ZMYM2: variants seen among roughly 807,000 people sequenced by gnomAD.
ZMYM2 encodes the protein zinc finger MYM-type containing 2, also known as zinc finger MYM-type protein 2.
In ZMYM2, 56 loss-of-function variants were observed where a neutral mutation model predicts 162.8. The ratio of observed to expected loss-of-function variants is 0.34; its 90% CI spans 0.28 to 0.43. ZMYM2 has a LOEUF of 0.43. ZMYM2 is among the 20% of genes least tolerant of loss of function. The pLI, the probability that ZMYM2 is intolerant of heterozygous loss-of-function variation, is 1.00. For missense variants in ZMYM2, 1,275 were observed against 1,621.8 expected, an observed-to-expected ratio of 0.79 and a Z score of 3.67; for synonymous variants, 510 against 541.6, an observed-to-expected ratio of 0.94 and a Z score of 0.81.
At chr13:19,971,244 G>GTGTATATATATA (rs5802035) in intron 2 of ZMYM2, among the ~76,000 whole-genome samples, 1 of 50,134 alleles carries the variant, frequency 2.0e-5, no homozygotes, top group African/African-American at 6.5e-5. Flanking sequence ...GTGTGTGTGT[G>GTGTATATATATA]TATATATATA....
At position 20,006,447 on chromosome 13, in the gene ZMYM2, T is replaced by C; in HGVS notation, c.1373T>C (p.Met458Thr). 2 of 1,611,540 alleles carry C rather than the reference T, an allele frequency of 1.2e-6. No individual in the cohort carries two copies. Among genetic ancestry groups the C allele is most frequent in the Non-Finnish European group, 1.7e-6 (2 of 1,178,558 alleles). Reference protein sequence around the residue: ...CSDHCFNRYRMANGLIMNCCE... With the variant: ...CSDHCFNRYRTANGLIMNCCE... Reference sequence around the variant, plus strand: ...GACCACTGCTTTAATAGATATAGAATGGCCAATGGTTTAATAATGAATTGC... The same window carrying C: ...GACCACTGCTTTAATAGATATAGAACGGCCAATGGTTTAATAATGAATTGC... The change falls in exon 6 of 25, where the codon ATG becomes ACG. Residue 458 changes from methionine to threonine, a missense_variant. Transcript: ENST00000610343.
intron 2 of ZMYM2, among the ~76,000 whole-genome samples, chr13:19,982,591 ATGC>A (rs924047343): frequency 3.3e-5 from 5 of 152,236 alleles, no homozygotes; most frequent in African/African-American, 4.8e-5. Context: ...TGGAGAAGAG[ATGC>A]TGCTATTAGG....
chr13:20,005,303 G>T, intron 5 of ZMYM2, 64 bp downstream of exon 5: 1 of 1,204,730 alleles, frequency 8.3e-7, no homozygotes, highest in Non-Finnish European at 1.1e-6. Flanking sequence ...CTTCATTTAA[G>T]AACTATTAGA....
At chr13:20,025,495 A>G (rs1952497038) in intron 7 of ZMYM2, 1 of 165,606 alleles carries the variant, frequency 6.0e-6, no homozygotes, top group South Asian at 2.0e-4. Flanking sequence ...AAAAAAATAC[A>G]CCCCCACCAA....
intron 1 of ZMYM2, among the ~76,000 whole-genome samples, chr13:19,959,501 G>C (rs925407406): frequency 1.3e-5 from 2 of 152,202 alleles, no homozygotes; most frequent in African/African-American, 4.8e-5. Flanking sequence ...ACTGCAGGGG[G>C]GGGCAAACCT....
At chr13:19,910,951 G>A in the ZMYM2 span, among the ~76,000 whole-genome samples, 1 of 151,754 alleles carries the variant, frequency 6.6e-6, no homozygotes, top group Non-Finnish European at 1.5e-5. Context: ...ATTTTGACTT[G>A]GTCTGTAGAC....
At chr13:19,868,282 A>G in the ZMYM2 span, among the ~76,000 whole-genome samples, 1 of 152,238 alleles carries the variant, frequency 6.6e-6, no homozygotes, top group Non-Finnish European at 1.5e-5. Flanking sequence ...GAGCACAGTC[A>G]GAGATTAAAG....
At chr13:20,025,484 A>G (rs1277693799) in intron 7 of ZMYM2, 1 of 164,854 alleles carries the variant, frequency 6.1e-6, no homozygotes, top group Non-Finnish European at 1.3e-5. Flanking sequence ...AGTTCTCTAC[A>G]AAAAAAATAC....
intron 2 of ZMYM2, chr13:19,965,386 T>C (rs1955654216): frequency 3.6e-6 from 2 of 560,512 alleles, no homozygotes; most frequent in East Asian, 7.2e-5. Flanking sequence ...CAAAGAGGTA[T>C]GTCTTTTTCC....
At chr13:19,905,013 T>TA in the ZMYM2 span, among the ~76,000 whole-genome samples, 1 of 150,356 alleles carries the variant, frequency 6.7e-6, no homozygotes, top group Non-Finnish European at 1.5e-5. Context: ...TCAATTTTTT[T>TA]TTTTTTTTTT....
the ZMYM2 span, among the ~76,000 whole-genome samples, chr13:19,897,922 A>C: frequency 1.1e-4 from 17 of 152,150 alleles, no homozygotes; most frequent in Non-Finnish European, 1.5e-5. Context: ...CTCCCCTTTC[A>C]ACAATTGATA....
rs1270433331 is a variant in ZMYM2, at chr13:20,086,318, C to G, written c.*304C>G. 3.9e-6 allele frequency: 1 copy of G among 255,660 alleles called. No individual in the cohort carries two copies. Among genetic ancestry groups the G allele is most frequent in the Non-Finnish European group, 7.6e-6 (1 of 131,964 alleles). The allele number at this position is 255,660 out of a possible 1,614,324, so 15.8% of individuals were successfully genotyped here. ...AGAATGTGCCATGTATAATTTTTTT[C>G]TTGTAGTAAGAAACATCCATATTGC... On this transcript the variant is annotated 3_prime_UTR_variant, in exon 25 of 25. Transcript: ENST00000610343.
At chr13:19,892,061 C>A in the ZMYM2 span, among the ~76,000 whole-genome samples, 2 of 151,564 alleles carry the variant, frequency 1.3e-5, no homozygotes, top group South Asian at 4.2e-4. Flanking sequence ...CCACCTTAGC[C>A]TCCTGAGTTG....
chr13:19,993,977 T>A, intron 3 of ZMYM2, 58 bp downstream of exon 3: 1 of 1,541,736 alleles, frequency 6.5e-7, no homozygotes, highest in East Asian at 2.2e-5. Flanking sequence ...TGGCTGCTGC[T>A]TTTTTCATTG....
At chr13:20,029,029 G>A (rs1952833994) in intron 9 of ZMYM2, among the ~76,000 whole-genome samples, 1 of 152,092 alleles carries the variant, frequency 6.6e-6, no homozygotes. Context: ...ATCTTCATTA[G>A]ATATTTTCCT....
chr13:20,034,218 G>A (rs768196699), intron 10 of ZMYM2, 36 bp from the exon 11 acceptor site: 32 of 485,788 alleles, frequency 6.6e-5, no homozygotes, highest in Non-Finnish European at 8.5e-5. Context: ...TAAGCTTGTC[G>A]TCATATACTT....
At chr13:20,074,012 C>G (rs921128802) in intron 21 of ZMYM2, among the ~76,000 whole-genome samples, 3 of 152,110 alleles carry the variant, frequency 2.0e-5, no homozygotes, top group African/African-American at 7.2e-5. Context: ...TAAATAATAA[C>G]TCTCCATTTC....
the ZMYM2 span, among the ~76,000 whole-genome samples, chr13:19,913,934 T>C: frequency 6.6e-6 from 1 of 152,106 alleles, no homozygotes; most frequent in African/African-American, 2.4e-5. Flanking sequence ...AAGTGAACAG[T>C]TGCAGTACTG....
At chr13:19,928,031 G>T in the ZMYM2 span, among the ~76,000 whole-genome samples, 1 of 151,994 alleles carries the variant, frequency 6.6e-6, no homozygotes, top group African/African-American at 2.4e-5. Flanking sequence ...TTAGAGACAA[G>T]GTCTTGCTTT....
Sources: allele counts gnomAD v4.1 joint callset (sites outside exome capture counted in the v4.1 genomes callset), GRCh38; gene constraint gnomAD v4.1.1; transcripts MANE v1.5; gene names NCBI Gene and HGNC (gene_info 2026-07-23, HGNC 2026-07-21).